NXPE2: variants seen among roughly 807,000 people sequenced by gnomAD.
NXPE2 encodes the protein neurexophilin and PC-esterase domain family member 2, also known as NXPE family member 2.
In NXPE2, 34 loss-of-function variants were observed where a neutral mutation model predicts 34.4. That is an observed-to-expected ratio of 0.99 (90% CI 0.75 to 1.31). The LOEUF is 1.31. NXPE2 is among the 40% of genes most tolerant of loss of function. The pLI is 0.00. For missense variants in NXPE2, 649 were observed against 672.5 expected, an observed-to-expected ratio of 0.97 and a Z score of 0.39; for synonymous variants, 235 against 231.3, an observed-to-expected ratio of 1.02 and a Z score of -0.15.
the NXPE2 span, among the ~76,000 whole-genome samples, chr11:114,589,440 C>G: frequency 6.6e-6 from 1 of 152,104 alleles, no homozygotes; most frequent in Non-Finnish European, 1.5e-5. Flanking sequence ...TGTGGGGTGT[C>G]TCATAAACAC....
At chr11:114,484,254 A>G in the NXPE2 span, among the ~76,000 whole-genome samples, 1 of 152,204 alleles carries the variant, frequency 6.6e-6, no homozygotes, top group Non-Finnish European at 1.5e-5. Flanking sequence ...TCAGTTATCA[A>G]AATTCCAAGT....
the NXPE2 span, among the ~76,000 whole-genome samples, chr11:114,575,679 C>T: frequency 6.6e-6 from 1 of 152,092 alleles, no homozygotes; most frequent in Admixed American, 6.6e-5. Flanking sequence ...AACTACAAAA[C>T]ACCGCCCAAA....
At chr11:114,784,770 G>A in the NXPE2 span, among the ~76,000 whole-genome samples, 4,446 of 152,154 alleles carry the variant, frequency 0.029, 223 homozygotes, top group African/African-American at 0.1. Flanking sequence ...AAGAGATACC[G>A]CCAAATAGTG....
At chr11:114,780,321 C>T in the NXPE2 span, among the ~76,000 whole-genome samples, 1 of 152,180 alleles carries the variant, frequency 6.6e-6, no homozygotes, top group Non-Finnish European at 1.5e-5. Flanking sequence ...AGGTCCCCAA[C>T]AGGAGGCCTC....
At chr11:114,752,914 A>C in the NXPE2 span, among the ~76,000 whole-genome samples, 1 of 152,212 alleles carries the variant, frequency 6.6e-6, no homozygotes, top group Non-Finnish European at 1.5e-5. Context: ...AAGAAGACCA[A>C]GGAAGACAAA....
At chr11:114,603,532 A>G in the NXPE2 span, among the ~76,000 whole-genome samples, 2,424 of 150,446 alleles carry the variant, frequency 0.016, 22 homozygotes, top group Non-Finnish European at 0.025. Context: ...CTCGTCTCCC[A>G]GGTAACTCCT....
the NXPE2 span, among the ~76,000 whole-genome samples, chr11:114,753,618 T>A: frequency 3.3e-5 from 5 of 152,180 alleles, no homozygotes; most frequent in Non-Finnish European, 7.3e-5. Context: ...AATTGTCTAT[T>A]TGAGGAGGCT....
chr11:114,465,954 T>C, the NXPE2 span, among the ~76,000 whole-genome samples: 3 of 152,212 alleles, frequency 2.0e-5, no homozygotes, highest in Non-Finnish European at 4.4e-5. Context: ...CTGCAGCCCA[T>C]ACATTTTTCA....
At position 114,706,807 on chromosome 11, in the gene NXPE2, G is replaced by A. The variant is rs1209162176; in HGVS notation, c.1557G>A (p.Val519=). Residue 519 remains valine (V), a synonymous_variant, in exon 6 of 6, where the codon GTG becomes GTA. Transcript: ENST00000389586. The stretch of plus-strand genomic sequence containing the variant: ...ATCTTATCATAAGAGATATTTTTGT[G>A]GATCTTAATGTGGGTATTATTGATG... ...IQNLIIRDIF[V]DLNVGIIDAW... The A allele has an allele frequency of 6.4e-7, 1 of 1,552,172 alleles. No homozygotes were observed. Among genetic ancestry groups the A allele is most frequent in the Non-Finnish European group, 8.7e-7 (1 of 1,146,980 alleles).
chr11:114,554,358 G>C, the NXPE2 span: 640 of 985,154 alleles, frequency 6.5e-4, 3 homozygotes, highest in African/African-American at 0.011. Flanking sequence ...TAAATGAGAG[G>C]GGGCAGCAGC....
At chr11:114,740,040 T>TA in the NXPE2 span, among the ~76,000 whole-genome samples, 1 of 152,080 alleles carries the variant, frequency 6.6e-6, no homozygotes, top group Non-Finnish European at 1.5e-5. Flanking sequence ...ACACTATATA[T>TA]ATACTATGTT....
chr11:114,519,275 A>G, the NXPE2 span, among the ~76,000 whole-genome samples: 2,011 of 152,336 alleles, frequency 0.013, 20 homozygotes, highest in Middle Eastern at 0.034. Flanking sequence ...TCGTATTAAT[A>G]ATAAAGTACA....
chr11:114,688,645 A>G (rs977762284), intron 2 of NXPE2, among the ~76,000 whole-genome samples: 4 of 152,190 alleles, frequency 2.6e-5, no homozygotes, highest in African/African-American at 9.6e-5. Context: ...TTTTTGGAAT[A>G]GTTTCAGTAG....
the NXPE2 span, among the ~76,000 whole-genome samples, chr11:114,479,430 G>A: frequency 1.3e-5 from 2 of 152,166 alleles, no homozygotes; most frequent in African/African-American, 4.8e-5. Context: ...AAATATTTAG[G>A]AGTGGAATAG....
At position 114,679,708 on chromosome 11, in the gene NXPE2, G is replaced by T; in HGVS notation, c.78G>T (p.Leu26Phe). ...NAIARKLLLM[L>F]TFILIFWIIY... ...TAGCTCGAAAATTACTGCTGATGTT[G>T]ACATTTATCTTAATTTTCTGGATCA... The change falls in exon 2 of 6, where the codon TTG (leucine) becomes TTT (phenylalanine). Residue 26 changes from leucine to phenylalanine, a missense_variant. Leu to Phe is a conservative substitution (Grantham distance 22). Transcript: ENST00000389586. 1 of 1,550,280 alleles carries T rather than the reference G, an allele frequency of 6.5e-7. No homozygotes were observed. The highest frequency in any genetic ancestry group is 1.2e-5 in the South Asian group (1 of 83,874).
intron 3 of NXPE2, among the ~76,000 whole-genome samples, chr11:114,699,626 A>G (rs928333209): frequency 2.0e-5 from 3 of 151,962 alleles, no homozygotes; most frequent in Admixed American, 6.6e-5. Flanking sequence ...CCTCTAGGAA[A>G]CTTTCCATCT....
the NXPE2 span, among the ~76,000 whole-genome samples, chr11:114,740,265 C>A: frequency 6.6e-6 from 1 of 152,068 alleles, no homozygotes; most frequent in African/African-American, 2.4e-5. Context: ...GTAACTGAAA[C>A]CCCGGAAAGT....
chr11:114,813,240 C>T, the NXPE2 span, among the ~76,000 whole-genome samples: 1 of 152,208 alleles, frequency 6.6e-6, no homozygotes, highest in Non-Finnish European at 1.5e-5. Flanking sequence ...CCATGAGATC[C>T]TCCCTCTGGC....
the NXPE2 span, among the ~76,000 whole-genome samples, chr11:114,751,521 GGACA>G: frequency 6.6e-6 from 1 of 152,048 alleles, no homozygotes. Flanking sequence ...TTAATGGGCT[GGACA>G]GACAAATTTT....
Sources: gnomAD v4.1 joint callset for allele counts (sites outside exome capture counted in the v4.1 genomes callset) on GRCh38, gnomAD v4.1.1 for gene constraint, MANE v1.5 for transcripts, NCBI Gene and HGNC (gene_info 2026-07-23, HGNC 2026-07-21) for gene names.